NR3C2: variants seen among roughly 807,000 people sequenced by gnomAD.
The protein encoded by NR3C2 is mineralocorticoid receptor.
NR3C2 carries 15 observed loss-of-function variants against 86.4 expected under a neutral mutation model. The observed-to-expected ratio is 0.17, with a 90% CI of 0.12 to 0.27. NR3C2 has a LOEUF of 0.27. Among genes scored for constraint, NR3C2 ranks in the 10% least tolerant of loss-of-function variants. The pLI, the probability that NR3C2 is intolerant of heterozygous loss-of-function variation, is 1.00. For synonymous variants in NR3C2, 458 were observed against 450.5 expected, an observed-to-expected ratio of 1.02 and a Z score of -0.21; for missense variants, 960 against 1,195.6, an observed-to-expected ratio of 0.80 and a Z score of 2.91.
chr4:148,327,249 G>GA (rs1195685779), intron 2 of NR3C2, among the ~76,000 whole-genome samples: 1 of 151,926 alleles, frequency 6.6e-6, no homozygotes, highest in African/African-American at 2.4e-5. Flanking sequence ...GATTTGTCTG[G>GA]AAAAAAAGAA....
At chr4:148,224,536 A>G (rs1009524349) in intron 3 of NR3C2, among the ~76,000 whole-genome samples, 4 of 152,222 alleles carry the variant, frequency 2.6e-5, no homozygotes, top group African/African-American at 9.6e-5. Flanking sequence ...TCTCAAGTCT[A>G]TGGCAAAGCC....
rs61758915 is a variant in NR3C2, at chr4:148,215,421, C to A, written c.1898-20559G>T. Among the ~76,000 whole-genome samples the A allele has an allele frequency of 2.1e-3, 322 of 152,302 alleles. 1 individual carries two copies. Among genetic ancestry groups the A allele is most frequent in the Non-Finnish European group, 3.4e-3 (233 of 68,024 alleles). On this transcript the variant is annotated intron_variant, in intron 3 of 8. Coordinates refer to ENST00000358102, the MANE Select transcript of NR3C2 (RefSeq NM_000901.5). ...CTGGGCAAGCTAACAGAAGCTGATC[C>A]GGGCTTTCCTTATGAGGAAGCAAAT...
chr4:148,348,970 T>C (rs1379364640), intron 2 of NR3C2, among the ~76,000 whole-genome samples: 2 of 152,166 alleles, frequency 1.3e-5, no homozygotes, highest in Non-Finnish European at 2.9e-5. Flanking sequence ...TGTTACTCTA[T>C]TTTTGCTGCA....
At chr4:148,191,030 G>A (rs1035781453) in intron 4 of NR3C2, among the ~76,000 whole-genome samples, 2 of 151,570 alleles carry the variant, frequency 1.3e-5, no homozygotes, top group Admixed American at 1.3e-4. Context: ...TGTTGCCTGT[G>A]TACTTTGGTT....
In NR3C2 at chr4:148,349,632, G is replaced by C. The variant is rs539049595; in HGVS notation, c.1757+85472C>G. Among the ~76,000 whole-genome samples the C allele has an allele frequency of 3.9e-4, 24 of 60,824 alleles. No individual in the cohort carries two copies. The East Asian group carries it at 4.0e-3, about 10-fold the overall frequency. 39.9% of individuals were successfully genotyped at this position (60,824 alleles called of 152,430 possible). A position where few individuals can be genotyped will look rare whatever the true frequency, so the allele number is the denominator to read the frequency against. ...ATTCTCTCCTTTCTGCAAAGGTTCT[G>C]GTGGTGGCTTGGGGAAAAAAAAATT... On this transcript the variant is annotated intron_variant, in intron 2 of 8. Transcript: ENST00000358102.
chr4:148,160,768 C>T (rs1734620330), intron 4 of NR3C2, among the ~76,000 whole-genome samples: 1 of 152,122 alleles, frequency 6.6e-6, no homozygotes, highest in Admixed American at 6.5e-5. Flanking sequence ...AAAACAGTAA[C>T]AGCATTCTCT....
chr4:148,156,112 C>G (rs2149769506), intron 4 of NR3C2, among the ~76,000 whole-genome samples: 1 of 152,198 alleles, frequency 6.6e-6, no homozygotes, highest in African/African-American at 2.4e-5. Context: ...AAAATTAATT[C>G]AAGATTGATT....
intron 2 of NR3C2, among the ~76,000 whole-genome samples, chr4:148,393,239 A>G (rs1487353074): frequency 6.6e-6 from 1 of 152,222 alleles, no homozygotes; most frequent in Non-Finnish European, 1.5e-5. Flanking sequence ...AAATAAGTTT[A>G]AAGTACAGTC....
At chr4:148,181,672 TA>T (rs1392879514) in intron 4 of NR3C2, among the ~76,000 whole-genome samples, 1 of 152,240 alleles carries the variant, frequency 6.6e-6, no homozygotes, top group Non-Finnish European at 1.5e-5. Flanking sequence ...GGGGCTTTTT[TA>T]GATCCACTAA....
At chr4:148,171,555 C>G (rs980099495) in intron 4 of NR3C2, among the ~76,000 whole-genome samples, 2 of 152,294 alleles carry the variant, frequency 1.3e-5, no homozygotes, top group African/African-American at 4.8e-5. Context: ...AAGAAATGCA[C>G]AACCCAGATC....
Position 148,192,045 on chromosome 4 carries a change from G to A in NR3C2, c.2014+2701C>T, listed in dbSNP as rs1449277452. 2.0e-5 allele frequency among the ~76,000 whole-genome samples: 3 copies of A among 152,252 alleles called. 1 individual carries two copies. Among genetic ancestry groups the A allele is most frequent in the African/African-American group, 7.2e-5 (3 of 41,558 alleles). ...TGCTGGTGCACTTGTGTGATTTTCT[G>A]GGGTGTTGAAGAGCCTTGTTTTGCC... On this transcript the variant is annotated intron_variant, in intron 4 of 8. Transcript: ENST00000358102.
intron 8 of NR3C2, among the ~76,000 whole-genome samples, chr4:148,093,099 A>G (rs1335862091): frequency 3.3e-5 from 5 of 152,244 alleles, no homozygotes; most frequent in Non-Finnish European, 5.9e-5. Flanking sequence ...CTGGGATCTC[A>G]GAAGTTTAGC....
At chr4:148,412,217 A>C (rs11732490) in intron 2 of NR3C2, among the ~76,000 whole-genome samples, 148,326 of 152,208 alleles carry the variant, frequency 0.97, 72,348 homozygotes, top group Non-Finnish European at 1. Context: ...GCTGCACACA[A>C]CCTCCGCTGC....
chr4:148,310,557 C>T (rs1742856130), intron 2 of NR3C2, among the ~76,000 whole-genome samples: 1 of 152,174 alleles, frequency 6.6e-6, no homozygotes, highest in South Asian at 2.1e-4. Flanking sequence ...TAATTGCTCA[C>T]CTGTACCTGC....
chr4:148,155,548 A>G (rs1418572242), intron 4 of NR3C2, among the ~76,000 whole-genome samples: 1 of 152,180 alleles, frequency 6.6e-6, no homozygotes, highest in Admixed American at 6.5e-5. Context: ...TAGGAATCCA[A>G]CTTACAAGGG....
intron 2 of NR3C2, among the ~76,000 whole-genome samples, chr4:148,410,664 C>T (rs2126566585): frequency 6.6e-6 from 1 of 152,182 alleles, no homozygotes; most frequent in Non-Finnish European, 1.5e-5. Flanking sequence ...AGCAGAATCC[C>T]TAAAAGAATG....
intron 4 of NR3C2, among the ~76,000 whole-genome samples, chr4:148,166,710 G>T (rs879036412): frequency 1.3e-5 from 2 of 152,000 alleles, no homozygotes; most frequent in South Asian, 4.2e-4. Context: ...AAAGTTTAAC[G>T]TTAAAGGTTT....
intron 4 of NR3C2, among the ~76,000 whole-genome samples, chr4:148,176,892 G>A (rs11725360): frequency 0.1 from 15,879 of 152,066 alleles, 1,000 homozygotes; most frequent in South Asian, 0.21. Flanking sequence ...AACAATATAC[G>A]CTTATTTTCA....
intron 4 of NR3C2, among the ~76,000 whole-genome samples, chr4:148,185,408 T>G (rs1735844344): frequency 6.6e-6 from 1 of 152,208 alleles, no homozygotes; most frequent in South Asian, 2.1e-4. Context: ...GTTGCTCTAC[T>G]CTGTAGGAAG....
Sources: gnomAD v4.1 joint callset for allele counts (sites outside exome capture counted in the v4.1 genomes callset) on GRCh38, gnomAD v4.1.1 for gene constraint, MANE v1.5 for transcripts, NCBI Gene and HGNC (gene_info 2026-07-23, HGNC 2026-07-21) for gene names.